The following KCNMA1 variants were observed in gnomAD, a reference collection of about 807,000 sequenced individuals.
The protein encoded by KCNMA1 is Calcium-activated potassium channel subunit alpha-1.
In KCNMA1, 29 loss-of-function variants were observed where a neutral mutation model predicts 140.0. That is an observed-to-expected ratio of 0.21 (90% CI 0.15 to 0.28). The LOEUF is 0.28. Among genes scored for constraint, KCNMA1 ranks in the 10% least tolerant of loss-of-function variants. KCNMA1 has a pLI of 1.00. For synonymous variants in KCNMA1, 612 were observed against 611.9 expected (o/e 1.00, Z 0.00); for missense variants, 880 against 1,602.2 (o/e 0.55, Z 7.70).
intron 3 of KCNMA1, among the ~76,000 whole-genome samples, chr10:77,221,027 A>G (rs2049458695): frequency 6.6e-6 from 1 of 152,238 alleles, no homozygotes; most frequent in Admixed American, 6.5e-5. Context: ...GAAAAGATAA[A>G]TAAACCAACA....
At chr10:76,876,995 C>G (rs542032963), downstream of KCNMA1, 7 of 152,846 alleles carry the variant, frequency 4.6e-5, no homozygotes, top group African/African-American at 1.7e-4. Flanking sequence ...CCACAACCCT[C>G]CTGGTGTCCT....
At chr10:76,999,663 T>C (rs2085539536) in intron 19 of KCNMA1, among the ~76,000 whole-genome samples, 1 of 152,220 alleles carries the variant, frequency 6.6e-6, no homozygotes, top group Admixed American at 6.5e-5. Context: ...AATAAAGTGA[T>C]AAGGATTCAT....
At chr10:77,485,217 T>C (rs2098446943) in intron 1 of KCNMA1, among the ~76,000 whole-genome samples, 1 of 152,182 alleles carries the variant, frequency 6.6e-6, no homozygotes, top group Admixed American at 6.5e-5. Context: ...TCATGCACCA[T>C]ATGGTGCTCA....
At chr10:77,000,384 A>G (rs1390706901) in intron 19 of KCNMA1, among the ~76,000 whole-genome samples, 1 of 152,156 alleles carries the variant, frequency 6.6e-6, no homozygotes, top group Non-Finnish European at 1.5e-5. Flanking sequence ...CTCAAACTGG[A>G]GCTTTCAGGA....
At chr10:77,098,889 C>A (rs2097015357) in intron 9 of KCNMA1, among the ~76,000 whole-genome samples, 1 of 152,094 alleles carries the variant, frequency 6.6e-6, no homozygotes, top group East Asian at 2.0e-4. Flanking sequence ...CACCCCTCTG[C>A]ATCTTATTCA....
intron 19 of KCNMA1, among the ~76,000 whole-genome samples, chr10:76,972,812 T>A (rs1444878023): frequency 6.6e-6 from 1 of 152,190 alleles, no homozygotes. Flanking sequence ...ATGGAGACCA[T>A]TACATATGGC....
At chr10:77,402,509 C>T (rs61856083) in intron 2 of KCNMA1, among the ~76,000 whole-genome samples, 24,760 of 152,218 alleles carry the variant, frequency 0.16, 2,637 homozygotes, top group Non-Finnish European at 0.25. Flanking sequence ...ACACAGCTCA[C>T]GGCAGATCCC....
chr10:77,512,894 C>A (rs1357506326), intron 1 of KCNMA1, among the ~76,000 whole-genome samples: 2 of 152,168 alleles, frequency 1.3e-5, no homozygotes, highest in Non-Finnish European at 2.9e-5. Flanking sequence ...CTATTAACTC[C>A]CACCAGGACA....
intron 23 of KCNMA1, among the ~76,000 whole-genome samples, chr10:76,940,788 C>T (rs2061723413): frequency 6.6e-6 from 1 of 151,724 alleles, no homozygotes; most frequent in Admixed American, 6.6e-5. Context: ...TAGTGAAACT[C>T]TGTCTCTACT....
intron 1 of KCNMA1, among the ~76,000 whole-genome samples, chr10:77,504,076 C>T (rs1208858322): frequency 6.6e-6 from 1 of 152,186 alleles, no homozygotes; most frequent in East Asian, 1.9e-4. Flanking sequence ...GGTAGCATCT[C>T]CATCAGCTGA....
intron 25 of KCNMA1, among the ~76,000 whole-genome samples, chr10:76,896,930 AAAAT>A (rs2042794368): frequency 6.6e-6 from 1 of 151,730 alleles, no homozygotes; most frequent in Non-Finnish European, 1.5e-5. Context: ...TCATTTTTTT[AAAAT>A]AAATAGTTAA....
intron 18 of KCNMA1, among the ~76,000 whole-genome samples, chr10:77,008,491 A>G (rs1456643539): frequency 6.6e-6 from 1 of 152,180 alleles, no homozygotes; most frequent in Non-Finnish European, 1.5e-5. Context: ...CTTGATAGAG[A>G]GCTATGAAGA....
At chr10:77,117,565 A>AG (rs2097510120) in intron 6 of KCNMA1, among the ~76,000 whole-genome samples, 1 of 144,128 alleles carries the variant, frequency 6.9e-6, no homozygotes, top group Non-Finnish European at 1.5e-5. Context: ...AAAAAAAAAA[A>AG]GAAAAGAAAA....
chr10:77,636,980 C>G, intron 1 of KCNMA1: 1 of 1,409,556 alleles, frequency 7.1e-7, no homozygotes. Context: ...TCCCCGACCC[C>G]GGCCCCAGCC....
chr10:77,270,524 CTCTT>C (rs776810889), intron 2 of KCNMA1, among the ~76,000 whole-genome samples: 4 of 150,380 alleles, frequency 2.7e-5, no homozygotes, highest in African/African-American at 7.4e-5. Context: ...CTCTCTCTCT[CTCTT>C]TCTTTTTTTT....
intron 2 of KCNMA1, among the ~76,000 whole-genome samples, chr10:77,383,010 A>G (rs1203982531): frequency 6.4e-5 from 8 of 124,238 alleles, no homozygotes; most frequent in African/African-American, 1.7e-4. Flanking sequence ...ATATATATAT[A>G]TATATATATA....
intron 1 of KCNMA1, among the ~76,000 whole-genome samples, chr10:77,546,710 C>T (rs2061535111): frequency 6.6e-6 from 1 of 152,250 alleles, no homozygotes; most frequent in African/African-American, 2.4e-5. Flanking sequence ...AGCATGTCCC[C>T]TTCAGGCCTC....
chr10:77,257,104 T>C (rs1432006010), intron 2 of KCNMA1, among the ~76,000 whole-genome samples: 2 of 152,176 alleles, frequency 1.3e-5, no homozygotes, highest in African/African-American at 4.8e-5. Flanking sequence ...GGCAAGACCC[T>C]GTCTCACACA....
At chr10:77,197,734 G>C (rs1054164803) in intron 3 of KCNMA1, among the ~76,000 whole-genome samples, 1 of 152,170 alleles carries the variant, frequency 6.6e-6, no homozygotes, top group African/African-American at 2.4e-5. Flanking sequence ...CAACCGAAAG[G>C]GGGAGGTTGC....
Sources: allele counts gnomAD v4.1 joint callset (sites outside exome capture counted in the v4.1 genomes callset), GRCh38; gene constraint gnomAD v4.1.1; transcripts MANE v1.5; gene names NCBI Gene and HGNC (gene_info 2026-07-23, HGNC 2026-07-21).